The following STK32B variants were observed in gnomAD, a reference collection of about 807,000 sequenced individuals.
STK32B encodes the protein serine/threonine-protein kinase 32B.
A neutral mutation model predicts 52.6 loss-of-function variants in STK32B; 43 were observed. The ratio of observed to expected loss-of-function variants is 0.82; its 90% CI spans 0.64 to 1.05. The LOEUF is 1.05. Among genes scored for constraint, STK32B ranks in the 50% least tolerant of loss-of-function variants. The probability of loss-of-function intolerance (pLI) is 0.00; values close to 1 mark genes in which losing one functional copy is unlikely to be tolerated. For synonymous variants in STK32B, 238 were observed against 204.3 expected, an observed-to-expected ratio of 1.17 and a Z score of -1.41; for missense variants, 621 against 534.6, an observed-to-expected ratio of 1.16 and a Z score of -1.59.
At chr4:5,269,994 G>T (rs1340635794) in intron 3 of STK32B, among the ~76,000 whole-genome samples, 1 of 152,094 alleles carries the variant, frequency 6.6e-6, no homozygotes, top group Admixed American at 6.6e-5. Flanking sequence ...TATACAAACT[G>T]AAAGAGAAAA....
At chr4:5,057,826 G>C (rs1364814082) in intron 1 of STK32B, among the ~76,000 whole-genome samples, 2 of 152,188 alleles carry the variant, frequency 1.3e-5, no homozygotes, top group Admixed American at 1.3e-4. Flanking sequence ...TGAAGAAACT[G>C]TTCTACAAAG....
intron 11 of STK32B, among the ~76,000 whole-genome samples, chr4:5,486,534 G>A (rs936272512): frequency 6.6e-6 from 1 of 152,236 alleles, no homozygotes; most frequent in Admixed American, 6.5e-5. Flanking sequence ...GCGCTTCCAA[G>A]GTGAGGCGAT....
intron 1 of STK32B, among the ~76,000 whole-genome samples, chr4:5,130,777 C>T (rs935025462): frequency 6.6e-6 from 1 of 152,154 alleles, no homozygotes; most frequent in Non-Finnish European, 1.5e-5. Context: ...TTAATCCTTC[C>T]TCCACCCTGC....
intron 1 of STK32B, among the ~76,000 whole-genome samples, chr4:5,086,712 G>C (rs1712750741): frequency 6.6e-6 from 1 of 151,966 alleles, no homozygotes. Flanking sequence ...CAAGGGAGAA[G>C]TGACTCATCA....
chr4:5,166,139 G>A (rs931046455), intron 2 of STK32B, among the ~76,000 whole-genome samples: 3 of 152,084 alleles, frequency 2.0e-5, no homozygotes, highest in Non-Finnish European at 2.9e-5. Context: ...TCCAACAGAA[G>A]AGAGGCTGTG....
chr4:5,274,297 A>G (rs919735326), intron 3 of STK32B, among the ~76,000 whole-genome samples: 5 of 152,346 alleles, frequency 3.3e-5, no homozygotes, highest in Non-Finnish European at 5.9e-5. Flanking sequence ...ATAGATCAAT[A>G]GAACAGAATT....
chr4:5,433,751 C>T lies in STK32B; in HGVS notation c.563-12922C>T, dbSNP rs763097723. Among the ~76,000 whole-genome samples, 5 of 152,264 alleles carry T rather than the reference C, an allele frequency of 3.3e-5. No individual in the cohort carries two copies. In the East Asian group the frequency reaches 7.7e-4, roughly 24 times the overall value. On this transcript the variant is annotated intron_variant, in intron 6 of 11. Transcript: ENST00000282908. ...CACACTCCACTGCAAATATCAAAAC[C>T]TTCAGCAATATTCACAGAGCTCACT...
chr4:5,384,979 T>G (rs903575318), intron 4 of STK32B, among the ~76,000 whole-genome samples: 1 of 152,084 alleles, frequency 6.6e-6, no homozygotes, highest in African/African-American at 2.4e-5. Context: ...CCAAGGTCAT[T>G]GCTGGAACTG....
At chr4:5,383,919 G>A (rs189574869) in intron 4 of STK32B, among the ~76,000 whole-genome samples, 6 of 152,326 alleles carry the variant, frequency 3.9e-5, no homozygotes, top group East Asian at 1.9e-4. Flanking sequence ...GACACAACAC[G>A]TGGATACAGT....
At chr4:5,059,288 C>T (rs1742129397) in intron 1 of STK32B, among the ~76,000 whole-genome samples, 1 of 151,896 alleles carries the variant, frequency 6.6e-6, no homozygotes, top group Admixed American at 6.6e-5. Context: ...CAAACCAGCC[C>T]ACCCTCAAGG....
chr4:5,387,431 C>T (rs988510253), intron 4 of STK32B, among the ~76,000 whole-genome samples: 1 of 152,166 alleles, frequency 6.6e-6, no homozygotes, highest in Non-Finnish European at 1.5e-5. Context: ...AGGCCAGTGA[C>T]ATGCAGTGAG....
chr4:5,302,755 T>G, intron 3 of STK32B, among the ~76,000 whole-genome samples: 1 of 147,808 alleles, frequency 6.8e-6, no homozygotes, highest in African/African-American at 2.4e-5. Flanking sequence ...TCTTACTCCC[T>G]CCCACCCTTC....
intron 3 of STK32B, among the ~76,000 whole-genome samples, chr4:5,303,100 G>T (rs1173970906): frequency 6.6e-6 from 1 of 151,874 alleles, no homozygotes; most frequent in Non-Finnish European, 1.5e-5. Flanking sequence ...ATTTGGGCTG[G>T]TTCCATGTTT....
At position 5,499,032 on chromosome 4, in the gene STK32B, G is replaced by T. The variant is rs1292866747; in HGVS notation, c.1194G>T (p.Gly398=). ...AGGCCCAAAGCAAGCTCCAGGACGG[G>T]TGCAACAACAACCTCCTCACCCACA... is the stretch of plus-strand genomic sequence containing the variant. The part of the protein sequence containing the change: ...GGQAQSKLQD[G]CNNNLLTHTC... Residue 398 remains glycine (G), a synonymous_variant, in exon 12 of 12, where the codon GGG becomes GGT. Transcript: ENST00000282908. 1 of 1,613,824 alleles carries T rather than the reference G, an allele frequency of 6.2e-7. No individual in the cohort carries two copies. The highest frequency in any genetic ancestry group is 1.1e-5 in the South Asian group (1 of 91,026).
intron 3 of STK32B, among the ~76,000 whole-genome samples, chr4:5,201,374 G>A (rs928286192): frequency 6.6e-6 from 1 of 152,126 alleles, no homozygotes; most frequent in Admixed American, 6.5e-5. Context: ...ACAGGTTCGC[G>A]CAGGACTGCC....
rs542934102 is a variant in STK32B at position 5,488,292 on chromosome 4, C to A, written c.1107-10653C>A. On this transcript the variant is annotated intron_variant, in intron 11 of 11. Transcript: ENST00000282908. ...CAGCCTGGGTGACAGAGTGAGACTCCGTCTGAAAAAGAAAACAAAATCAAT... is the reference window on the plus strand; with the variant it reads ...CAGCCTGGGTGACAGAGTGAGACTCAGTCTGAAAAAGAAAACAAAATCAAT... 3.9e-5 allele frequency among the ~76,000 whole-genome samples: 6 copies of A among 152,002 alleles called. 1 individual carries two copies. The highest frequency in any genetic ancestry group is 1.4e-4 in the African/African-American group (6 of 41,456).
At chr4:5,131,945 G>A (rs548459391) in intron 1 of STK32B, among the ~76,000 whole-genome samples, 31 of 149,606 alleles carry the variant, frequency 2.1e-4, no homozygotes, top group African/African-American at 5.6e-4. Context: ...GAGATTAACT[G>A]AAGGATTTGA....
At chr4:5,145,284 T>C (rs1422274032) in intron 2 of STK32B, among the ~76,000 whole-genome samples, 2 of 152,228 alleles carry the variant, frequency 1.3e-5, no homozygotes, top group African/African-American at 2.4e-5. Context: ...TTGATGCATT[T>C]TATAGCAAAT....
chr4:5,160,692 A>G lies in STK32B; in HGVS notation c.109-7607A>G, dbSNP rs146743631. Among the ~76,000 whole-genome samples, 37 of 152,340 alleles carry G rather than the reference A, an allele frequency of 2.4e-4. No homozygotes were observed. The East Asian group carries it at 6.4e-3, about 26-fold the overall frequency. ...ATCAGCTAGGTGCCTGCTATGTGCCAGACACTGAGGATGATGCAGTGAACG... is the reference window on the plus strand; with the variant it reads ...ATCAGCTAGGTGCCTGCTATGTGCCGGACACTGAGGATGATGCAGTGAACG... On this transcript the variant is annotated intron_variant, in intron 2 of 11. Coordinates refer to ENST00000282908, the MANE Select transcript of STK32B (RefSeq NM_018401.3).
Sources: allele counts gnomAD v4.1 joint callset (sites outside exome capture counted in the v4.1 genomes callset), GRCh38; gene constraint gnomAD v4.1.1; transcripts MANE v1.5; gene names NCBI Gene and HGNC (gene_info 2026-07-23, HGNC 2026-07-21).